Variants in DNA2 observed in about 807,000 individuals in gnomAD.
DNA2 encodes DNA replication ATP-dependent helicase/nuclease DNA2.
In DNA2, 101 loss-of-function variants were observed where a neutral mutation model predicts 119.1. The ratio of observed to expected loss-of-function variants is 0.85; its 90% CI spans 0.72 to 1.00. The LOEUF (loss-of-function observed/expected upper bound fraction) is 1.00. Among genes scored for constraint, DNA2 ranks in the 50% least tolerant of loss-of-function variants. The pLI is 0.00. For synonymous variants in DNA2, 366 were observed against 424.4 expected, an observed-to-expected ratio of 0.86 and a Z score of 1.69; for missense variants, 1,121 against 1,255.5, an observed-to-expected ratio of 0.89 and a Z score of 1.62.
chr10:68,439,555 T>A (rs1294495507), intron 9 of DNA2, among the ~76,000 whole-genome samples: 1 of 148,326 alleles, frequency 6.7e-6, no homozygotes, highest in African/African-American at 2.5e-5. Context: ...TACAAAAAAA[T>A]AGCCAGGTGC....
chr10:68,455,878 C>T (rs2052176553), intron 5 of DNA2, among the ~76,000 whole-genome samples: 1 of 151,960 alleles, frequency 6.6e-6, no homozygotes, highest in Non-Finnish European at 1.5e-5. Context: ...AACAGCAAGA[C>T]AAGCCTTTTT....
chr10:68,442,936 G>A lies in DNA2; in HGVS notation c.1396C>T (p.Leu466=). The change falls in exon 9 of 21, where the codon CTA becomes TTA. Residue 466 remains leucine (L), a synonymous_variant. Coordinates refer to ENST00000358410, the MANE Select transcript of DNA2 (RefSeq NM_001080449.3). The part of the protein sequence containing the change: ...DNKKNHQNIW[L]MPASEMEKSG... ...ACTTACATTTCCGAAGCAGGCATTA[G>A]CCAGATATTTTGGTGATTCTTTTTA... The A allele has an allele frequency of 6.2e-7, 1 of 1,612,216 alleles. No homozygotes were observed. The highest frequency in any genetic ancestry group is 1.1e-5 in the South Asian group (1 of 90,572).
chr10:68,450,594 T>A (rs533061527), intron 5 of DNA2, among the ~76,000 whole-genome samples: 1 of 152,338 alleles, frequency 6.6e-6, no homozygotes, highest in South Asian at 2.1e-4. Context: ...TCTTTCTTGG[T>A]ATTTATCATC....
intron 19 of DNA2, among the ~76,000 whole-genome samples, chr10:68,418,722 G>A (rs2051625329): frequency 6.8e-6 from 1 of 147,508 alleles, no homozygotes; most frequent in East Asian, 2.0e-4. Context: ...CGCCCAGGCT[G>A]GAGTCAATGG....
chr10:68,451,304 AT>A (rs900381423), intron 5 of DNA2, among the ~76,000 whole-genome samples: 6 of 149,798 alleles, frequency 4.0e-5, no homozygotes, highest in South Asian at 2.1e-4. Flanking sequence ...TAAGTACTCA[AT>A]TTTTTTTTTA....
chr10:68,415,597 T>C (rs1472025820), intron 20 of DNA2, among the ~76,000 whole-genome samples: 5 of 151,910 alleles, frequency 3.3e-5, no homozygotes, highest in African/African-American at 9.7e-5. Flanking sequence ...TATCTTAGCC[T>C]ACTTCATACC....
intron 4 of DNA2, among the ~76,000 whole-genome samples, chr10:68,465,318 T>A (rs1209140173): frequency 6.6e-6 from 1 of 152,112 alleles, no homozygotes; most frequent in Non-Finnish European, 1.5e-5. Context: ...CACCTGGCCG[T>A]AAAGATGCAC....
rs767983328 is a variant in DNA2, at chr10:68,416,393, G to A, written c.3114+316C>T. 4.3e-4 allele frequency among the ~76,000 whole-genome samples: 65 copies of A among 152,290 alleles called. No individual in the cohort carries two copies. In the Middle Eastern group the frequency reaches 0.01, roughly 24 times the overall value. On this transcript the variant is annotated intron_variant, in intron 20 of 20. Coordinates refer to ENST00000358410, the MANE Select transcript of DNA2 (RefSeq NM_001080449.3). ...AGGTAGGAAGATCACTTTAGCCTGG[G>A]AGATTGAGGGTGCAGTGAGCTCTGA...
intron 14 of DNA2, among the ~76,000 whole-genome samples, chr10:68,429,603 T>A (rs1434331797): frequency 7.9e-5 from 11 of 139,366 alleles, no homozygotes; most frequent in African/African-American, 2.7e-4. Flanking sequence ...TCCCAGCTAC[T>A]CGGAAGGCTG....
chr10:68,434,779 G>C (rs1410408926), intron 10 of DNA2, among the ~76,000 whole-genome samples: 1 of 152,224 alleles, frequency 6.6e-6, no homozygotes, highest in Non-Finnish European at 1.5e-5. Flanking sequence ...CAGACAACTG[G>C]AATATTGTGG....
intron 9 of DNA2, among the ~76,000 whole-genome samples, chr10:68,442,539 A>G (rs960400796): frequency 2.6e-5 from 4 of 152,150 alleles, no homozygotes; most frequent in Admixed American, 1.3e-4. Context: ...GGCACCCGCC[A>G]CCACGCCCAG....
At chr10:68,429,765 AT>A (rs967495374) in intron 14 of DNA2, among the ~76,000 whole-genome samples, 102 of 150,966 alleles carry the variant, frequency 6.8e-4, no homozygotes, top group African/African-American at 2.3e-3. Flanking sequence ...CCCAGTATAA[AT>A]AAACATTAAA....
chr10:68,423,831 T>TCAGCC (rs2051698402), intron 14 of DNA2, among the ~76,000 whole-genome samples: 1 of 152,216 alleles, frequency 6.6e-6, no homozygotes, highest in Non-Finnish European at 1.5e-5. Context: ...CAAAGAAGGC[T>TCAGCC]GAGTGGGGAA....
chr10:68,442,856 A>T, intron 9 of DNA2, 61 bp downstream of exon 9: 1 of 1,384,652 alleles, frequency 7.2e-7, no homozygotes, highest in Non-Finnish European at 9.8e-7. Flanking sequence ...TAAATTCCAA[A>T]GGCCACCTCA....
At chr10:68,460,852 G>A (rs2052248563) in intron 4 of DNA2, among the ~76,000 whole-genome samples, 1 of 151,684 alleles carries the variant, frequency 6.6e-6, no homozygotes, top group Non-Finnish European at 1.5e-5. Context: ...TTGAGGTTAC[G>A]TGACCTGTGA....
chr10:68,417,017 G>T (rs1219985346), intron 19 of DNA2, among the ~76,000 whole-genome samples, 162 bp from the exon 20 acceptor site: 1 of 152,204 alleles, frequency 6.6e-6, no homozygotes. Context: ...GCCGAGGCAG[G>T]TGGATCACTG....
intron 4 of DNA2, among the ~76,000 whole-genome samples, chr10:68,464,161 A>G (rs757833323): frequency 6.6e-6 from 1 of 152,190 alleles, no homozygotes; most frequent in Admixed American, 6.5e-5. Context: ...AGTCTCATAT[A>G]TTGCCAGTAG....
At chr10:68,469,494 C>T (rs2052362820) in intron 2 of DNA2, among the ~76,000 whole-genome samples, 1 of 151,756 alleles carries the variant, frequency 6.6e-6, no homozygotes, top group African/African-American at 2.4e-5. Context: ...TGAAGTTTCG[C>T]TCTTGTTGCC....
chr10:68,428,703 T>TA (rs1028634434), intron 14 of DNA2, among the ~76,000 whole-genome samples: 5 of 152,146 alleles, frequency 3.3e-5, no homozygotes, highest in African/African-American at 9.7e-5. Flanking sequence ...TCAGGCTAAG[T>TA]AAAAAACACC....
Sources: allele counts gnomAD v4.1 joint callset (sites outside exome capture counted in the v4.1 genomes callset), GRCh38; gene constraint gnomAD v4.1.1; transcripts MANE v1.5; gene names NCBI Gene and HGNC (gene_info 2026-07-23, HGNC 2026-07-21).